PLXNA2: variants seen among roughly 807,000 people sequenced by gnomAD.
The protein encoded by PLXNA2 is plexin-A2.
PLXNA2 carries 91 observed loss-of-function variants against 193.5 expected under a neutral mutation model. The observed-to-expected ratio is 0.47, with a 90% CI of 0.40 to 0.56. PLXNA2 has a LOEUF of 0.56. Among genes scored for constraint, PLXNA2 ranks in the 20% least tolerant of loss-of-function variants. The probability of loss-of-function intolerance (pLI) is 0.00; values close to 1 mark genes in which losing one functional copy is unlikely to be tolerated. For synonymous variants in PLXNA2, 997 were observed against 1,027.3 expected (o/e 0.97, Z 0.56); for missense variants, 1,995 against 2,503.2 (o/e 0.80, Z 4.33).
intron 1 of PLXNA2, among the ~76,000 whole-genome samples, chr1:208,237,364 T>A (rs919984639): frequency 6.6e-6 from 1 of 152,116 alleles, no homozygotes; most frequent in Admixed American, 6.6e-5. Flanking sequence ...CACTTAAATG[T>A]GAATGTGGAT....
At chr1:208,156,940 A>G (rs778338021) in intron 3 of PLXNA2, among the ~76,000 whole-genome samples, 1 of 152,220 alleles carries the variant, frequency 6.6e-6, no homozygotes, top group Non-Finnish European at 1.5e-5. Context: ...GTTACTCCAT[A>G]AGAATAACAC....
At chr1:208,101,194 C>G (rs1286573242) in intron 5 of PLXNA2, among the ~76,000 whole-genome samples, 1 of 152,140 alleles carries the variant, frequency 6.6e-6, no homozygotes, top group Non-Finnish European at 1.5e-5. Flanking sequence ...GCCTTGGAGA[C>G]AATAACACAC....
Position 208,025,864 on chromosome 1 carries a change from TGAGAGGCAGAAA to T in PLXNA2, c.*1367_*1378del, listed in dbSNP as rs1452571277. Reference sequence around the variant, plus strand: ...CTTGTCCTTCACACTCACAAGTCCGTGAGAGGCAGAAAGAGAGGCAGAAGGTAGTAACGTGGG... The same window carrying T: ...CTTGTCCTTCACACTCACAAGTCCGTGAGAGGCAGAAGGTAGTAACGTGGG... On this transcript the variant is annotated 3_prime_UTR_variant, in exon 32 of 32. Transcript: ENST00000367033. The T allele has an allele frequency of 1.3e-5, 2 of 152,394 alleles. No individual in the cohort carries two copies. Among genetic ancestry groups the T allele is most frequent in the African/African-American group, 4.8e-5 (2 of 41,400 alleles). 9.4% of individuals were successfully genotyped at this position (152,394 alleles called of 1,614,324 possible).
intron 23 of PLXNA2, 35 bp downstream of exon 23, chr1:208,039,957 C>CTGG: frequency 6.2e-7 from 1 of 1,609,316 alleles, no homozygotes. Context: ...CCATCCTGCC[C>CTGG]TGGACGCTAG....
chr1:208,175,549 G>C (rs1669634757), intron 3 of PLXNA2, among the ~76,000 whole-genome samples: 1 of 130,656 alleles, frequency 7.7e-6, no homozygotes, highest in Non-Finnish European at 1.6e-5. Flanking sequence ...ATTCTCTTAG[G>C]GTAAAGGAGA....
At position 208,044,609 on chromosome 1, in the gene PLXNA2, A is replaced by G; in HGVS notation, c.3773T>C (p.Ile1258Thr). ...TTCTCGAGACTTGCGCTTGTAGGCA[A>G]TGAGGACGATGATGACGATGATGAG... ...LLLIIVIIVLIAYKRKSREND... is the reference protein window; with the variant it reads ...LLLIIVIIVLTAYKRKSREND... Residue 1258 changes from isoleucine (I) to threonine (T), a missense_variant, in exon 20 of 32, where the codon ATT (isoleucine) becomes ACT (threonine). By Grantham distance (89) the Ile-to-Thr change is moderately conservative. Transcript: ENST00000367033. The surrounding 1 kb of genome is among the most constrained non-coding windows in gnomAD (Gnocchi z 4.9). The G allele has an allele frequency of 1.2e-6, 2 of 1,614,138 alleles. No homozygotes were observed. The highest frequency in any genetic ancestry group is 1.7e-6 in the Non-Finnish European group (2 of 1,180,020).
At position 208,051,255 on chromosome 1, in the gene PLXNA2, C is replaced by T. The variant is rs1020370005; in HGVS notation, c.3161+1G>A. On this transcript the variant is annotated splice_donor_variant, in intron 16 of 31. Transcript: ENST00000367033. LOFTEE classifies it high-confidence loss of function. Reference sequence around the variant, plus strand: ...TGCATCCCTCCCACCTTCCACCTCACCTGGCAATGCTCCACTCTGGCTCGA... The same window carrying T: ...TGCATCCCTCCCACCTTCCACCTCATCTGGCAATGCTCCACTCTGGCTCGA... The T allele has an allele frequency of 6.2e-7, 1 of 1,604,070 alleles. No individual in the cohort carries two copies. Among genetic ancestry groups the T allele is most frequent in the African/African-American group, 1.3e-5 (1 of 74,724 alleles).
intron 2 of PLXNA2, 147 bp from the exon 3 acceptor site, chr1:208,210,609 G>A (rs1670911228): frequency 1.6e-6 from 1 of 627,656 alleles, no homozygotes; most frequent in African/African-American, 1.8e-5. Context: ...ACAAGCTGCA[G>A]ACAAAAACTT....
intron 3 of PLXNA2, among the ~76,000 whole-genome samples, chr1:208,199,032 T>C (rs1176088146): frequency 2.0e-5 from 3 of 152,200 alleles, no homozygotes; most frequent in Non-Finnish European, 4.4e-5. Flanking sequence ...AAGTGCTGAA[T>C]TTATAGTGGA....
chr1:208,063,554 G>C (rs965366986), intron 12 of PLXNA2, among the ~76,000 whole-genome samples: 1 of 152,234 alleles, frequency 6.6e-6, no homozygotes, highest in Non-Finnish European at 1.5e-5. Flanking sequence ...CAAGCCGGGA[G>C]AATGAGTGTC....
rs770924684 is a variant in PLXNA2, at chr1:208,103,250, G to A, written c.1507-3C>T. The A allele has an allele frequency of 1.2e-6, 2 of 1,611,490 alleles. No individual in the cohort carries two copies. The highest frequency in any genetic ancestry group is 2.2e-5 in the South Asian group (2 of 90,772). ...GACTCCACGGGGACCCTGGTGACCT[G>A]GCAGAGAGAGCAAAGAGGGTACAGT... On this transcript the variant is annotated splice_polypyrimidine_tract_variant and splice_region_variant and intron_variant, in intron 4 of 31. Coordinates refer to ENST00000367033, the MANE Select transcript of PLXNA2 (RefSeq NM_025179.4).
intron 3 of PLXNA2, among the ~76,000 whole-genome samples, chr1:208,191,616 CCA>C (rs1196849579): frequency 6.6e-6 from 1 of 152,130 alleles, no homozygotes; most frequent in Admixed American, 6.5e-5. Flanking sequence ...ATTATTATTT[CCA>C]GTTTGCAAAT....
intron 3 of PLXNA2, among the ~76,000 whole-genome samples, chr1:208,144,659 C>A (rs927598061): frequency 5.9e-5 from 9 of 152,226 alleles, no homozygotes; most frequent in African/African-American, 1.9e-4. Flanking sequence ...AAGGAGGTAA[C>A]CTCAATGGAA....
In PLXNA2 at chr1:208,103,324, G is replaced by A. The variant is rs989351428; in HGVS notation, c.1507-77C>T. The stretch of plus-strand genomic sequence containing the variant: ...AGGTGTGTGTCACACAGTCCTGTGT[G>A]TACTCACACTTGCACTGTCAACTCC... On this transcript the variant is annotated intron_variant, in intron 4 of 31. Coordinates refer to ENST00000367033, the MANE Select transcript of PLXNA2 (RefSeq NM_025179.4). 32 of 1,136,322 alleles carry A rather than the reference G, an allele frequency of 2.8e-5. 1 individual carries two copies. The African/African-American group carries it at 3.8e-4, about 14-fold the overall frequency. 70.4% of individuals were successfully genotyped at this position (1,136,322 alleles called of 1,614,324 possible).
intron 4 of PLXNA2, among the ~76,000 whole-genome samples, chr1:208,126,190 G>A (rs553399671): frequency 6.6e-6 from 1 of 152,162 alleles, no homozygotes; most frequent in Non-Finnish European, 1.5e-5. Context: ...GTCTCAGAGG[G>A]TGACAGCAGT....
rs754736754 is a variant in PLXNA2, at chr1:208,027,300, C to T, written c.5628G>A (p.Arg1876=). The change falls in exon 32 of 32, where the codon CGG becomes CGA. Residue 1876 remains arginine (R), a synonymous_variant. Coordinates refer to ENST00000367033, the MANE Select transcript of PLXNA2 (RefSeq NM_025179.4). ...GALEQDEQAR[R]QRLAYKVEQL... ...GCTCCACCTTATAAGCCAGCCGCTG[C>T]CGCCGTGCCTGCTCATCCTGCTCTA... is the stretch of plus-strand genomic sequence containing the variant. 6.2e-7 allele frequency: 1 copy of T among 1,613,568 alleles called. No homozygotes were observed.
intron 4 of PLXNA2, among the ~76,000 whole-genome samples, chr1:208,135,237 T>G (rs948156112): frequency 1.3e-5 from 2 of 152,184 alleles, no homozygotes; most frequent in African/African-American, 4.8e-5. Context: ...TAATTTTTGT[T>G]TCTGAAACTC....
intron 17 of PLXNA2, among the ~76,000 whole-genome samples, chr1:208,050,804 A>AGTGACAG (rs1665233457): frequency 6.6e-6 from 1 of 152,136 alleles, no homozygotes; most frequent in African/African-American, 2.4e-5. Flanking sequence ...ACTCCAGCCT[A>AGTGACAG]GGTGACAGGG....
At chr1:208,242,291 G>A (rs1386240789) in intron 1 of PLXNA2, among the ~76,000 whole-genome samples, 1 of 152,144 alleles carries the variant, frequency 6.6e-6, no homozygotes, top group East Asian at 1.9e-4. Flanking sequence ...TGTGGGGAGA[G>A]GGGAGAGCTA....
Sources: allele counts gnomAD v4.1 joint callset (sites outside exome capture counted in the v4.1 genomes callset), GRCh38; gene constraint gnomAD v4.1.1; non-coding constraint Gnocchi (gnomAD v3.1); transcripts MANE v1.5; gene names NCBI Gene and HGNC (gene_info 2026-07-23, HGNC 2026-07-21).